Variants in BAIAP2L1 observed in about 807,000 individuals in gnomAD.
BAIAP2L1 encodes the protein BAR/IMD domain-containing adapter protein 2-like 1.
Under a neutral mutation model 66.3 loss-of-function variants are expected in BAIAP2L1, and 35 were observed. That is an observed-to-expected ratio of 0.53 (90% CI 0.40 to 0.70). BAIAP2L1 has a LOEUF of 0.70. Ranked by LOEUF, BAIAP2L1 falls within the 30% of genes least tolerant of loss-of-function variation. BAIAP2L1 has a pLI of 0.00. For synonymous variants in BAIAP2L1, 269 were observed against 248.7 expected, an observed-to-expected ratio of 1.08 and a Z score of -0.77; for missense variants, 622 against 656.9, an observed-to-expected ratio of 0.95 and a Z score of 0.58.
chr7:98,386,058 C>A, intron 1 of BAIAP2L1: 1 of 1,483,244 alleles, frequency 6.7e-7, no homozygotes, highest in Non-Finnish European at 9.3e-7. Flanking sequence ...AGTCATTTGT[C>A]TGCACCTCTC....
chr7:98,308,104 G>A (rs754685206), intron 9 of BAIAP2L1: 66 of 682,330 alleles, frequency 9.7e-5, no homozygotes, highest in Non-Finnish European at 1.5e-4. Flanking sequence ...GCAGCCTGAA[G>A]GCATGCACCG....
chr7:98,360,157 AG>A lies in BAIAP2L1; in HGVS notation c.127+2199del, dbSNP rs201282454. ...AGGCTGGTTTCGAACTTCTGACCTC[AG>A]GTGATCTGCCCACCTCGGCCTCCCA... is the stretch of plus-strand genomic sequence containing the variant. On this transcript the variant is annotated intron_variant, in intron 2 of 13. Coordinates refer to ENST00000005260, the MANE Select transcript of BAIAP2L1 (RefSeq NM_018842.5). Among the ~76,000 whole-genome samples, 812 of 152,124 alleles carry A rather than the reference AG, an allele frequency of 5.3e-3. 5 individuals are homozygous for A. Among genetic ancestry groups the A allele is most frequent in the Middle Eastern group, 0.017 (5 of 294 alleles).
intron 3 of BAIAP2L1, among the ~76,000 whole-genome samples, chr7:98,321,135 A>G (rs1801231855): frequency 6.6e-6 from 1 of 152,198 alleles, no homozygotes; most frequent in Non-Finnish European, 1.5e-5. Flanking sequence ...CTGGGATGAC[A>G]GGTGTGAGCC....
At chr7:98,384,592 C>G (rs1802839793) in intron 1 of BAIAP2L1, among the ~76,000 whole-genome samples, 2 of 151,736 alleles carry the variant, frequency 1.3e-5, no homozygotes, top group Admixed American at 1.3e-4. Flanking sequence ...AGTACACTGA[C>G]TTACTGCACT....
rs1801253165 is a variant in BAIAP2L1, at chr7:98,321,735, CCAT to C, written c.215-1440_215-1438del. Among the ~76,000 whole-genome samples the C allele has an allele frequency of 3.3e-5, 5 of 152,194 alleles. No homozygotes were observed. In the South Asian group the frequency reaches 1.0e-3, roughly 31 times the overall value. ...TCATCTGGAACCACCGTTACCACCA[CCAT>C]CAAACAATGCCGACCAACAGCAAGA... is the stretch of plus-strand genomic sequence containing the variant. On this transcript the variant is annotated intron_variant, in intron 3 of 13. Coordinates refer to ENST00000005260, the MANE Select transcript of BAIAP2L1 (RefSeq NM_018842.5).
intron 1 of BAIAP2L1, among the ~76,000 whole-genome samples, chr7:98,390,722 ACT>A (rs1243498450): frequency 4.2e-5 from 6 of 141,502 alleles, no homozygotes; most frequent in African/African-American, 1.5e-4. Context: ...ACAGAGCAAG[ACT>A]CTGTCTCAAA....
intron 3 of BAIAP2L1, among the ~76,000 whole-genome samples, chr7:98,328,295 A>G (rs1021873520): frequency 6.6e-6 from 1 of 152,234 alleles, no homozygotes; most frequent in African/African-American, 2.4e-5. Context: ...GTTCTGGATC[A>G]GCCTCTATAG....
rs1173180967 is a variant in BAIAP2L1, at chr7:98,296,166, C to G, written c.1423-2055G>C. ...GCCACCCCAGACAGCCATCTCTGTG[C>G]CAGGGCTTGGGGAGTCTGGTGTTGG... On this transcript the variant is annotated intron_variant, in intron 12 of 13. Coordinates refer to ENST00000005260, the MANE Select transcript of BAIAP2L1 (RefSeq NM_018842.5). 2.0e-5 allele frequency among the ~76,000 whole-genome samples: 3 copies of G among 152,210 alleles called. No individual in the cohort carries two copies. The East Asian group carries it at 5.8e-4, about 29-fold the overall frequency.
intron 1 of BAIAP2L1, chr7:98,386,692 G>GTT: frequency 3.7e-5 from 10 of 270,522 alleles, no homozygotes; most frequent in Non-Finnish European, 6.1e-5. Flanking sequence ...ACTTTCCAAA[G>GTT]GTTTTTTTTT....
At chr7:98,300,590 C>T (rs1426912065) in intron 12 of BAIAP2L1, among the ~76,000 whole-genome samples, 12 of 152,206 alleles carry the variant, frequency 7.9e-5, no homozygotes, top group African/African-American at 2.2e-4. Flanking sequence ...CCTTGGACAG[C>T]GGCTGCCATT....
At chr7:98,363,152 T>C (rs938315957) in intron 1 of BAIAP2L1, among the ~76,000 whole-genome samples, 3 of 148,526 alleles carry the variant, frequency 2.0e-5, no homozygotes, top group Non-Finnish European at 4.4e-5. Flanking sequence ...CTCCTGCCCC[T>C]GCCTCCCGAG....
At chr7:98,396,093 A>G (rs1266722821) in intron 1 of BAIAP2L1, among the ~76,000 whole-genome samples, 1 of 152,138 alleles carries the variant, frequency 6.6e-6, no homozygotes, top group Non-Finnish European at 1.5e-5. Context: ...TTTTCTTGAG[A>G]TGGGGTCTCA....
chr7:98,362,337 A>T lies in BAIAP2L1; in HGVS notation c.127+20T>A, dbSNP rs556214040. On this transcript the variant is annotated intron_variant, in intron 2 of 13. Coordinates refer to ENST00000005260, the MANE Select transcript of BAIAP2L1 (RefSeq NM_018842.5). ...TACTGAGTGGCTTTATATATAATCA[A>T]TTCAGAAAAACAGACTTACCGTTTA... is the stretch of plus-strand genomic sequence containing the variant. The T allele has an allele frequency of 1.3e-5, 20 of 1,563,836 alleles. No homozygotes were observed. In the African/African-American group the frequency reaches 2.0e-4, roughly 16 times the overall value.
chr7:98,323,652 C>T (rs1447009326), intron 3 of BAIAP2L1, among the ~76,000 whole-genome samples: 1 of 152,326 alleles, frequency 6.6e-6, no homozygotes, highest in African/African-American at 2.4e-5. Context: ...TGCTCCTGCC[C>T]GTGGCTTCCC....
At chr7:98,300,020 G>A (rs183047817) in intron 12 of BAIAP2L1, among the ~76,000 whole-genome samples, 11 of 152,266 alleles carry the variant, frequency 7.2e-5, no homozygotes, top group Admixed American at 6.5e-5. Flanking sequence ...CAGCCTGGGC[G>A]ACAGAGCAAG....
chr7:98,376,833 AAAC>A (rs554773734), intron 1 of BAIAP2L1, among the ~76,000 whole-genome samples: 113 of 152,180 alleles, frequency 7.4e-4, no homozygotes, highest in Middle Eastern at 3.4e-3. Context: ...ACTCCATCTC[AAAC>A]AACAACAAAC....
intron 12 of BAIAP2L1, among the ~76,000 whole-genome samples, chr7:98,300,974 C>T (rs554662756): frequency 1.3e-5 from 2 of 152,330 alleles, no homozygotes; most frequent in East Asian, 1.9e-4. Flanking sequence ...CCCTTGTCCT[C>T]ACCCCATGCA....
At chr7:98,324,236 T>C (rs778193783) in intron 3 of BAIAP2L1, among the ~76,000 whole-genome samples, 50 of 152,224 alleles carry the variant, frequency 3.3e-4, no homozygotes, top group Non-Finnish European at 6.5e-4. Context: ...TAAGTGGCAA[T>C]ATACACGTAT....
At chr7:98,324,093 G>A (rs1035248096) in intron 3 of BAIAP2L1, among the ~76,000 whole-genome samples, 4 of 152,084 alleles carry the variant, frequency 2.6e-5, no homozygotes, top group African/African-American at 4.8e-5. Context: ...CTAAGCATGC[G>A]CCCCAATAAG....
Sources: allele counts gnomAD v4.1 joint callset (sites outside exome capture counted in the v4.1 genomes callset), GRCh38; gene constraint gnomAD v4.1.1; transcripts MANE v1.5; gene names NCBI Gene and HGNC (gene_info 2026-07-23, HGNC 2026-07-21).